GPHN: variants seen among roughly 807,000 people sequenced by gnomAD.
GPHN encodes the protein gephyrin.
A neutral mutation model predicts 95.5 loss-of-function variants in GPHN; 17 were observed. The ratio of observed to expected loss-of-function variants is 0.18; its 90% CI spans 0.12 to 0.27. The LOEUF is 0.27. Ranked by LOEUF, GPHN falls within the 10% of genes least tolerant of loss-of-function variation. The pLI, the probability that GPHN is intolerant of heterozygous loss-of-function variation, is 1.00. For synonymous variants in GPHN, 320 were observed against 322.5 expected (o/e 0.99, Z 0.08); for missense variants, 660 against 978.1 (o/e 0.67, Z 4.34).
the GPHN span, among the ~76,000 whole-genome samples, chr14:67,405,861 C>G: frequency 1.1e-4 from 17 of 152,226 alleles, no homozygotes; most frequent in African/African-American, 4.1e-4. Context: ...AGGTGACTGT[C>G]ACTCTTGGCT....
At chr14:67,016,312 TAAAAC>T (rs1268381982) in intron 9 of GPHN, among the ~76,000 whole-genome samples, 9 of 152,044 alleles carry the variant, frequency 5.9e-5, no homozygotes, top group Non-Finnish European at 1.0e-4. Flanking sequence ...AAATAACTTT[TAAAAC>T]AAACTGCAAT....
chr14:67,157,612 C>T (rs1043362117), intron 18 of GPHN, among the ~76,000 whole-genome samples: 1 of 151,926 alleles, frequency 6.6e-6, no homozygotes, highest in Non-Finnish European at 1.5e-5. Context: ...TCGCTTGAGG[C>T]CAGGAGTTCA....
chr14:67,022,568 GGTGTGTGTGT>G (rs72312422), intron 9 of GPHN, among the ~76,000 whole-genome samples: 67 of 20,880 alleles, frequency 3.2e-3, no homozygotes, highest in African/African-American at 0.012. Context: ...TTTTTTTTTT[GGTGTGTGTGT>G]GTGTGTGTGT....
intron 1 of GPHN, among the ~76,000 whole-genome samples, chr14:66,601,147 A>AAGT (rs2062219455): frequency 6.6e-6 from 1 of 152,028 alleles, no homozygotes; most frequent in Non-Finnish European, 1.5e-5. Flanking sequence ...AAGTAGTATA[A>AAGT]CTGATACCAA....
chr14:67,153,306 G>C (rs1447522373), intron 18 of GPHN, among the ~76,000 whole-genome samples: 1 of 152,140 alleles, frequency 6.6e-6, no homozygotes, highest in Non-Finnish European at 1.5e-5. Context: ...CCATAAAATG[G>C]GTGGCGTAAA....
chr14:67,364,516 T>C, the GPHN span: 1 of 374,112 alleles, frequency 2.7e-6, no homozygotes, highest in African/African-American at 2.1e-5. Context: ...TTTTTTATGA[T>C]TCCTCTGAAA....
chr14:67,727,458 AACAG>A, the GPHN span: 3 of 438,598 alleles, frequency 6.8e-6, no homozygotes, highest in Non-Finnish European at 1.3e-5. Context: ...AGCTTTTTGC[AACAG>A]ACAGAGGCTT....
At chr14:67,200,113 C>T in the GPHN span, 5 of 1,041,300 alleles carry the variant, frequency 4.8e-6, no homozygotes, top group Non-Finnish European at 5.7e-6. Flanking sequence ...AATGGGCATG[C>T]CCCCCCGAAG....
the GPHN span, chr14:67,599,976 A>G: frequency 6.7e-7 from 1 of 1,490,184 alleles, no homozygotes; most frequent in Non-Finnish European, 9.0e-7. Flanking sequence ...ACCCTCCCAA[A>G]GCCGAACCCC....
In GPHN at chr14:67,111,865, C is replaced by T; in HGVS notation, c.1418C>T (p.Thr473Ile). 3 of 1,612,498 alleles carry T rather than the reference C, an allele frequency of 1.9e-6. No individual in the cohort carries two copies. The South Asian group carries it at 3.3e-5, about 18-fold the overall frequency. Reference sequence around the variant, plus strand: ...CATGACCGGCTGTTATTATAGGGCACTGAAGAACTTGAAGTGCGAATTCTG... The same window carrying T: ...CATGACCGGCTGTTATTATAGGGCATTGAAGAACTTGAAGTGCGAATTCTG... Reference protein sequence around the residue: ...TELIRESDDGTEELEVRILVQ... With the variant: ...TELIRESDDGIEELEVRILVQ... Residue 473 changes from threonine (T) to isoleucine (I), a missense_variant, in exon 15 of 23, where the codon ACT becomes ATT. By Grantham distance (89) the Thr-to-Ile change is moderately conservative. Around this residue, in one of 6 missense-constraint regions of GPHN, gnomAD observed 257 missense variants for 376.2 expected, o/e 0.68. Coordinates refer to ENST00000478722, the MANE Select transcript of GPHN (RefSeq NM_020806.5).
chr14:67,434,941 G>T, the GPHN span, among the ~76,000 whole-genome samples: 4 of 151,512 alleles, frequency 2.6e-5, no homozygotes, highest in Admixed American at 2.0e-4. Context: ...TAATGTGCTA[G>T]CTCAGGTCTC....
intron 11 of GPHN, among the ~76,000 whole-genome samples, chr14:67,067,918 G>A (rs1266594494): frequency 1.3e-5 from 2 of 152,204 alleles, no homozygotes; most frequent in Non-Finnish European, 2.9e-5. Flanking sequence ...CCTGGGTGAG[G>A]TGACGCCCCG....
the GPHN span, among the ~76,000 whole-genome samples, chr14:67,544,672 C>G: frequency 6.6e-6 from 1 of 152,264 alleles, no homozygotes; most frequent in South Asian, 2.1e-4. Context: ...CTAAAAAGAT[C>G]AGGTAGACTT....
chr14:66,959,646 A>G (rs959339580), intron 8 of GPHN, among the ~76,000 whole-genome samples: 1 of 152,096 alleles, frequency 6.6e-6, no homozygotes, highest in Admixed American at 6.5e-5. Flanking sequence ...AATCTTATTG[A>G]GGATCAGAAT....
intron 16 of GPHN, among the ~76,000 whole-genome samples, chr14:67,114,108 G>A (rs1351195417): frequency 6.6e-6 from 1 of 151,816 alleles, no homozygotes; most frequent in Non-Finnish European, 1.5e-5. Context: ...CAAAAGAATA[G>A]ACTGTTTTAT....
rs565352977 is a variant in GPHN, at chr14:66,933,648, A to G, written c.828+9356A>G. Among the ~76,000 whole-genome samples, 9 of 152,334 alleles carry G rather than the reference A, an allele frequency of 5.9e-5. No individual in the cohort carries two copies. In the South Asian group the frequency reaches 1.9e-3, roughly 32 times the overall value. On this transcript the variant is annotated intron_variant, in intron 8 of 22. Coordinates refer to ENST00000478722, the MANE Select transcript of GPHN (RefSeq NM_020806.5). ...AAAATTTAAGCTTCAGTTCTCATCT[A>G]TAAAATGGAAATAATAATTATCCTG...
At chr14:67,199,960 G>A in the GPHN span, 3 of 1,281,506 alleles carry the variant, frequency 2.3e-6, no homozygotes, top group Non-Finnish European at 3.2e-6. Flanking sequence ...ACCAGGAGGA[G>A]TGCCCCATCC....
chr14:67,478,149 C>G, the GPHN span, among the ~76,000 whole-genome samples: 2 of 152,272 alleles, frequency 1.3e-5, no homozygotes. Flanking sequence ...CAGCGTAGCT[C>G]CACTCCACCT....
the GPHN span, chr14:67,333,098 T>C: frequency 1.5e-6 from 1 of 674,390 alleles, no homozygotes. Context: ...TCTCTTGAAT[T>C]AGTGAGACGA....
Sources: allele counts gnomAD v4.1 joint callset (sites outside exome capture counted in the v4.1 genomes callset), GRCh38; gene constraint gnomAD v4.1.1; regional missense constraint gnomAD v4.1.1; transcripts MANE v1.5; gene names NCBI Gene and HGNC (gene_info 2026-07-23, HGNC 2026-07-21).